ARSG: variants seen among roughly 807,000 people sequenced by gnomAD.
The protein encoded by ARSG is ASG.
In ARSG, 37 loss-of-function variants were observed where a neutral mutation model predicts 50.5. The ratio of observed to expected loss-of-function variants is 0.73; its 90% CI spans 0.56 to 0.96. The LOEUF is 0.96. Ranked by LOEUF, ARSG falls within the 50% of genes least tolerant of loss-of-function variation. The pLI is 0.00. For synonymous variants in ARSG, 225 were observed against 254.6 expected, an observed-to-expected ratio of 0.88 and a Z score of 1.11; for missense variants, 629 against 675.3, an observed-to-expected ratio of 0.93 and a Z score of 0.76.
At chr17:68,416,741 C>T (rs1323632645) in intron 11 of ARSG, among the ~76,000 whole-genome samples, 1 of 152,134 alleles carries the variant, frequency 6.6e-6, no homozygotes, top group Non-Finnish European at 1.5e-5. Flanking sequence ...TTTCTTTCTT[C>T]TACTTGTTCA....
chr17:68,427,009 G>A (rs1239559356), downstream of ARSG: 3 of 752,246 alleles, frequency 4.0e-6, no homozygotes, highest in East Asian at 2.5e-5. Context: ...ACAGTGAAGG[G>A]GGAAGGGGAG....
At chr17:68,432,599 G>A in the ARSG span, among the ~76,000 whole-genome samples, 2 of 151,892 alleles carry the variant, frequency 1.3e-5, no homozygotes, top group Admixed American at 6.6e-5. Flanking sequence ...ATGTATCAGC[G>A]TGATAAGGTG....
the ARSG span, chr17:68,436,546 C>T: frequency 2.1e-6 from 3 of 1,456,586 alleles, no homozygotes; most frequent in South Asian, 2.3e-5. Flanking sequence ...CTGGAGAGGG[C>T]ATCTGAAAAC....
intron 4 of ARSG, among the ~76,000 whole-genome samples, chr17:68,348,365 T>G (rs1252300137): frequency 1.3e-5 from 2 of 152,154 alleles, no homozygotes; most frequent in East Asian, 3.8e-4. Flanking sequence ...GACCAGCTCC[T>G]ATGCAGCAGG....
intron 10 of ARSG, among the ~76,000 whole-genome samples, chr17:68,396,472 C>T (rs1039889532): frequency 1.3e-5 from 2 of 152,302 alleles, no homozygotes; most frequent in Admixed American, 6.5e-5. Flanking sequence ...TGTCTTTTCC[C>T]TGTGTTTTCC....
intron 2 of ARSG, among the ~76,000 whole-genome samples, chr17:68,316,469 AG>A (rs1363907556): frequency 6.6e-6 from 1 of 152,216 alleles, no homozygotes; most frequent in Non-Finnish European, 1.5e-5. Flanking sequence ...GGCACATGGT[AG>A]GTGCTCAAAC....
intron 1 of ARSG, among the ~76,000 whole-genome samples, chr17:68,282,084 A>G (rs1555752996): frequency 1.3e-5 from 2 of 152,208 alleles, no homozygotes; most frequent in African/African-American, 4.8e-5. Context: ...CACAACAGCA[A>G]AGACTTGGAA....
At chr17:68,287,822 A>C (rs1303252345), upstream of ARSG, among the ~76,000 whole-genome samples, 1 of 152,198 alleles carries the variant, frequency 6.6e-6, no homozygotes. Context: ...GTATTTAAGT[A>C]AAGTCATGCA....
intron 10 of ARSG, among the ~76,000 whole-genome samples, chr17:68,395,553 C>A (rs2147153899): frequency 6.6e-6 from 1 of 152,268 alleles, no homozygotes; most frequent in East Asian, 1.9e-4. Flanking sequence ...TGGTTCAGAC[C>A]CCAAAAGGTG....
intron 10 of ARSG, among the ~76,000 whole-genome samples, chr17:68,398,459 A>T (rs1234104318): frequency 6.6e-6 from 1 of 152,222 alleles, no homozygotes; most frequent in Non-Finnish European, 1.5e-5. Flanking sequence ...ATATGTCTGT[A>T]ACATATGCAT....
At position 68,388,944 on chromosome 17, in the gene ARSG, A is replaced by AAAAAAT. The variant is rs1491203982; in HGVS notation, c.1091+3773_1091+3774insAAAATA. ...TCTCAAAAAAAAAAAAAAAAAAAAAAAGAAAAACAGCTAAAGCTGCTGTGT... is the reference window on the plus strand; with the variant it reads ...TCTCAAAAAAAAAAAAAAAAAAAAAAAAAAATAGAAAAACAGCTAAAGCTGCTGTGT... On this transcript the variant is annotated intron_variant, in intron 9 of 11. Transcript: ENST00000621439. Among the ~76,000 whole-genome samples the AAAAAAT allele has an allele frequency of 1.2e-3, 176 of 146,160 alleles. 4 individuals are homozygous for AAAAAAT. The highest frequency in any genetic ancestry group is 4.3e-3 in the African/African-American group (160 of 37,600).
intron 5 of ARSG, among the ~76,000 whole-genome samples, chr17:68,354,019 G>C (rs1025975982): frequency 2.6e-5 from 3 of 114,800 alleles, no homozygotes; most frequent in East Asian, 4.9e-4. Context: ...TCTTCTTCTT[G>C]TTCTTTTTTT....
At chr17:68,304,342 A>G (rs550168513) in intron 1 of ARSG, among the ~76,000 whole-genome samples, 175 of 152,362 alleles carry the variant, frequency 1.1e-3, no homozygotes, top group African/African-American at 3.9e-3. Context: ...ATACCAGTTG[A>G]GTCTAATTGA....
rs143714820 is a variant in ARSG, at chr17:68,274,012, C to T, written c.-552+14586C>T. 2.5e-6 allele frequency: 4 copies of T among 1,614,144 alleles called. No individual in the cohort carries two copies. In the African/African-American group the frequency reaches 4.0e-5, roughly 16 times the overall value. Reference sequence around the variant, plus strand: ...CCATCCCGGTGCTGACAAGTAGCCCCCCCAACATCACTACCAGACGGTGTC... The same window carrying T: ...CCATCCCGGTGCTGACAAGTAGCCCTCCCAACATCACTACCAGACGGTGTC... On this transcript the variant is annotated intron_variant, in intron 1 of 11. Coordinates refer to the ARSG transcript ENST00000448504.
At chr17:68,305,797 G>C (rs1219464130) in intron 1 of ARSG, among the ~76,000 whole-genome samples, 1 of 151,968 alleles carries the variant, frequency 6.6e-6, no homozygotes, top group Non-Finnish European at 1.5e-5. Flanking sequence ...GCTGGGCCTG[G>C]GTGTGGTGGC....
chr17:68,352,553 A>G (rs1384125958), intron 5 of ARSG, among the ~76,000 whole-genome samples: 1 of 143,082 alleles, frequency 7.0e-6, no homozygotes, highest in Non-Finnish European at 1.5e-5. Flanking sequence ...TCTCTTACCC[A>G]GGCTAGAGCG....
At chr17:68,349,847 A>C (rs62088763) in intron 4 of ARSG, among the ~76,000 whole-genome samples, 51,786 of 152,062 alleles carry the variant, frequency 0.34, 10,576 homozygotes, top group Non-Finnish European at 0.46. Flanking sequence ...GTGCCACTGC[A>C]CTCCAGCCTG....
intron 3 of ARSG, among the ~76,000 whole-genome samples, chr17:68,344,424 C>T (rs955361665): frequency 2.0e-5 from 3 of 152,244 alleles, no homozygotes; most frequent in African/African-American, 7.2e-5. Flanking sequence ...AGACCAGCAA[C>T]GTCTGCCACA....
intron 1 of ARSG, among the ~76,000 whole-genome samples, chr17:68,294,262 C>T (rs185397424): frequency 1.1e-4 from 16 of 152,310 alleles, no homozygotes; most frequent in Non-Finnish European, 1.8e-4. Flanking sequence ...GTTGGCTCTT[C>T]AGAGCTGTCC....
Sources: allele counts gnomAD v4.1 joint callset (sites outside exome capture counted in the v4.1 genomes callset), GRCh38; gene constraint gnomAD v4.1.1; transcripts MANE v1.5; gene names NCBI Gene and HGNC (gene_info 2026-07-23, HGNC 2026-07-21).